Variants in SEC22A observed in about 807,000 individuals in gnomAD.
SEC22A encodes the protein SEC22 homolog A, vesicle trafficking protein, also known as vesicle-trafficking protein SEC22a.
Under a neutral mutation model 35.3 loss-of-function variants are expected in SEC22A, and 22 were observed. The ratio of observed to expected loss-of-function variants is 0.62; its 90% confidence interval spans 0.45 to 0.89. SEC22A has a LOEUF of 0.89. Among genes scored for constraint, SEC22A ranks in the 40% least tolerant of loss-of-function variants. The pLI is 0.00. For missense variants in SEC22A, 354 were observed against 362.5 expected (o/e 0.98, Z 0.19); for synonymous variants, 119 against 129.5 (o/e 0.92, Z 0.55).
intron 6 of SEC22A, among the ~76,000 whole-genome samples, chr3:123,267,468 A>T (rs969128212): frequency 2.0e-5 from 3 of 152,090 alleles, no homozygotes; most frequent in African/African-American, 7.2e-5. Flanking sequence ...CTAGTTCAAG[A>T]CACCTTATCT....
At chr3:123,230,602 A>G (rs148367850) in intron 4 of SEC22A, among the ~76,000 whole-genome samples, 1 of 151,808 alleles carries the variant, frequency 6.6e-6, no homozygotes, top group Non-Finnish European at 1.5e-5. Flanking sequence ...CTTGCAGTTA[A>G]GATGTACATG....
At chr3:123,255,817 A>C (rs967475655) in intron 5 of SEC22A, among the ~76,000 whole-genome samples, 2 of 152,110 alleles carry the variant, frequency 1.3e-5, no homozygotes, top group Non-Finnish European at 2.9e-5. Flanking sequence ...TTGCTGCACC[A>C]CATAACATCT....
chr3:123,228,576 CAAAAAAAA>C (rs528536258), intron 4 of SEC22A, among the ~76,000 whole-genome samples: 3 of 83,068 alleles, frequency 3.6e-5, no homozygotes, highest in Admixed American at 1.4e-4. Flanking sequence ...AACTCCATCT[CAAAAAAAA>C]AAAAAAAAAA....
rs1291245064 is a variant in SEC22A at position 123,273,971 on chromosome 3, G to A, written c.*2249G>A. 1 of 152,156 alleles carries A rather than the reference G, an allele frequency of 6.6e-6. No individual in the cohort carries two copies. Among genetic ancestry groups the A allele is most frequent in the Non-Finnish European group, 1.5e-5 (1 of 68,030 alleles). The allele number at this position is 152,156 out of a possible 1,614,324, so 9.4% of individuals were successfully genotyped here. ...TTGAATTGACGAGTTACAATGTTTG[G>A]TATTCGGATACATTCAGCAAGAACA... On this transcript the variant is annotated 3_prime_UTR_variant, in exon 7 of 7. Transcript: ENST00000492595.
chr3:123,232,426 CA>C (rs1279977154), intron 4 of SEC22A, among the ~76,000 whole-genome samples: 2 of 152,030 alleles, frequency 1.3e-5, no homozygotes, highest in Admixed American at 6.5e-5. Context: ...TCTGTAAAAG[CA>C]AAAAGATTCA....
chr3:123,265,795 G>A (rs749254549), intron 6 of SEC22A, among the ~76,000 whole-genome samples: 12 of 152,066 alleles, frequency 7.9e-5, no homozygotes, highest in Non-Finnish European at 1.5e-4. Context: ...TGGCAAAGGC[G>A]ATTTTTTTTC....
At chr3:123,233,655 A>AAACAAAC (rs375295169) in intron 4 of SEC22A, among the ~76,000 whole-genome samples, 3 of 83,648 alleles carry the variant, frequency 3.6e-5, no homozygotes, top group Non-Finnish European at 7.1e-5. Context: ...ACAAACAAAC[A>AAACAAAC]AAAAAAAACA....
chr3:123,240,134 C>T (rs1020062590), intron 4 of SEC22A, among the ~76,000 whole-genome samples: 5 of 152,040 alleles, frequency 3.3e-5, no homozygotes, highest in African/African-American at 1.2e-4. Context: ...AAGTTGTTTG[C>T]CATCACTAGG....
chr3:123,259,741 C>G (rs2108098129), intron 6 of SEC22A, 152 bp downstream of exon 6: 1 of 649,142 alleles, frequency 1.5e-6, no homozygotes, highest in South Asian at 2.0e-5. Flanking sequence ...TGACCTATGT[C>G]TCCATTTTGA....
rs1395568252 is a variant in SEC22A, at chr3:123,215,729, TA to T, written c.182+6336del. Among the ~76,000 whole-genome samples the T allele has an allele frequency of 8.5e-5, 13 of 152,270 alleles. No individual in the cohort carries two copies. The East Asian group carries it at 2.5e-3, about 29-fold the overall frequency. ...ATTCAGGCATCGCATTATTATCTGG[TA>T]AAAAATGGCTGCTGCTCTTTACCCT... On this transcript the variant is annotated intron_variant, in intron 2 of 6. Coordinates refer to ENST00000492595, the MANE Select transcript of SEC22A (RefSeq NM_012430.5).
chr3:123,209,461 T>C, intron 2 of SEC22A, 62 bp downstream of exon 2: 1 of 1,390,478 alleles, frequency 7.2e-7, no homozygotes, highest in Non-Finnish European at 1.0e-6. Flanking sequence ...TAATGAAGTT[T>C]AAGTGGTTGC....
At chr3:123,261,447 A>G (rs1937893503) in intron 6 of SEC22A, among the ~76,000 whole-genome samples, 2 of 152,098 alleles carry the variant, frequency 1.3e-5, no homozygotes, top group South Asian at 4.1e-4. Context: ...GATTTTCAGT[A>G]TTGTGTTCTG....
intron 5 of SEC22A, among the ~76,000 whole-genome samples, chr3:123,253,723 A>C (rs1937653507): frequency 6.6e-6 from 1 of 151,542 alleles, no homozygotes; most frequent in African/African-American, 2.4e-5. Flanking sequence ...AAAAAAAAAA[A>C]AAAAAAGAAA....
At chr3:123,231,710 A>G (rs1003716359) in intron 4 of SEC22A, among the ~76,000 whole-genome samples, 1 of 152,222 alleles carries the variant, frequency 6.6e-6, no homozygotes, top group African/African-American at 2.4e-5. Context: ...GTAAATGCCT[A>G]TGTTTAAAAA....
At chr3:123,202,708 C>A (rs1316994043) in intron 1 of SEC22A, among the ~76,000 whole-genome samples, 1 of 152,180 alleles carries the variant, frequency 6.6e-6, no homozygotes, top group East Asian at 1.9e-4. Flanking sequence ...TTTCCTGGAT[C>A]ATCCACCTGG....
chr3:123,233,253 TAC>T (rs1367434941), intron 4 of SEC22A, among the ~76,000 whole-genome samples: 1 of 152,242 alleles, frequency 6.6e-6, no homozygotes, highest in Non-Finnish European at 1.5e-5. Flanking sequence ...TATGTTTAGA[TAC>T]ACAAATACTA....
intron 4 of SEC22A, among the ~76,000 whole-genome samples, chr3:123,232,437 A>G (rs1339857983): frequency 6.6e-6 from 1 of 152,244 alleles, no homozygotes; most frequent in African/African-American, 2.4e-5. Flanking sequence ...AAAAAGATTC[A>G]ATTAGTAATA....
chr3:123,218,434 TAGAGA>T (rs1381593280), intron 2 of SEC22A, among the ~76,000 whole-genome samples: 1 of 152,036 alleles, frequency 6.6e-6, no homozygotes, highest in Non-Finnish European at 1.5e-5. Flanking sequence ...GTGCCCAAGA[TAGAGA>T]AAAGAGGAGA....
intron 5 of SEC22A, among the ~76,000 whole-genome samples, chr3:123,258,200 G>A (rs185057264): frequency 1.1e-4 from 16 of 152,106 alleles, no homozygotes; most frequent in Non-Finnish European, 1.9e-4. Context: ...GTACTGTGAA[G>A]TACTAAAAAG....
Sources: gnomAD v4.1 joint callset for allele counts (sites outside exome capture counted in the v4.1 genomes callset) on GRCh38, gnomAD v4.1.1 for gene constraint, MANE v1.5 for transcripts, NCBI Gene and HGNC (gene_info 2026-07-23, HGNC 2026-07-21) for gene names.